VWC2L: variants seen among roughly 807,000 people sequenced by gnomAD.
The protein encoded by VWC2L is von Willebrand factor C domain-containing protein 2-like.
In VWC2L, 10 loss-of-function variants were observed where a neutral mutation model predicts 21.6. That is an observed-to-expected ratio of 0.46 (90% CI 0.29 to 0.78). The LOEUF (loss-of-function observed/expected upper bound fraction) is 0.78, where lower values mean the gene tolerates loss of function less well. Among genes scored for constraint, VWC2L ranks in the 30% least tolerant of loss-of-function variants. VWC2L has a pLI of 0.10. For missense variants in VWC2L, 209 were observed against 277.1 expected (o/e 0.75, Z 1.74); for synonymous variants, 96 against 94.3 (o/e 1.02, Z -0.10).
chr2:214,462,768 C>A (rs1400020253), intron 3 of VWC2L, among the ~76,000 whole-genome samples: 4 of 152,046 alleles, frequency 2.6e-5, no homozygotes, highest in Admixed American at 2.6e-4. Context: ...TTTTCTAATA[C>A]CGTAAGCTTT....
At chr2:214,471,049 T>A (rs1253597945) in intron 3 of VWC2L, among the ~76,000 whole-genome samples, 3 of 151,988 alleles carry the variant, frequency 2.0e-5, no homozygotes, top group African/African-American at 7.3e-5. Flanking sequence ...TTTTTCCCCA[T>A]GAGTTTAAAT....
intron 3 of VWC2L, among the ~76,000 whole-genome samples, chr2:214,467,876 T>G (rs1233575950): frequency 1.3e-5 from 2 of 152,172 alleles, no homozygotes; most frequent in African/African-American, 4.8e-5. Flanking sequence ...CCAGGAGCAG[T>G]GGTGTGCACC....
intron 2 of VWC2L, among the ~76,000 whole-genome samples, chr2:214,422,133 C>G (rs888382592): frequency 2.0e-5 from 3 of 151,868 alleles, no homozygotes; most frequent in Non-Finnish European, 2.9e-5. Flanking sequence ...CGTGATCCGC[C>G]CGTCTCGGCC....
At chr2:214,571,913 A>C (rs1356610419) in intron 3 of VWC2L, among the ~76,000 whole-genome samples, 1 of 152,040 alleles carries the variant, frequency 6.6e-6, no homozygotes, top group Non-Finnish European at 1.5e-5. Flanking sequence ...CAGCCTCCCC[A>C]GTATCTGGGA....
intron 3 of VWC2L, among the ~76,000 whole-genome samples, chr2:214,570,829 A>G (rs1690139320): frequency 6.6e-6 from 1 of 152,036 alleles, no homozygotes; most frequent in South Asian, 2.1e-4. Flanking sequence ...TTAGGCCCCC[A>G]TTTGTGTGGG....
chr2:214,417,794 A>C (rs530248437), intron 2 of VWC2L, among the ~76,000 whole-genome samples: 1 of 152,320 alleles, frequency 6.6e-6, no homozygotes, highest in Admixed American at 6.5e-5. Context: ...GACCTAGTTA[A>C]ACATAAATAA....
intron 3 of VWC2L, among the ~76,000 whole-genome samples, chr2:214,562,050 T>C (rs1027661539): frequency 1.3e-5 from 2 of 152,028 alleles, no homozygotes; most frequent in Non-Finnish European, 2.9e-5. Flanking sequence ...GTTTGTTACA[T>C]AGGTAAACAT....
chr2:214,515,688 G>A (rs1214605227), intron 3 of VWC2L, among the ~76,000 whole-genome samples: 2 of 152,110 alleles, frequency 1.3e-5, no homozygotes, highest in Non-Finnish European at 2.9e-5. Flanking sequence ...CAAGTAGCTG[G>A]GATTGCAGGC....
At chr2:214,518,026 C>T (rs1434812155) in intron 3 of VWC2L, among the ~76,000 whole-genome samples, 2 of 152,120 alleles carry the variant, frequency 1.3e-5, no homozygotes, top group African/African-American at 2.4e-5. Flanking sequence ...ATTAGCCAGG[C>T]GTAGTGGCAG....
At chr2:214,473,264 T>C (rs900650056) in intron 3 of VWC2L, among the ~76,000 whole-genome samples, 11 of 152,206 alleles carry the variant, frequency 7.2e-5, no homozygotes, top group African/African-American at 2.7e-4. Flanking sequence ...GTCAAAAATG[T>C]GTTTGACCTC....
intron 3 of VWC2L, among the ~76,000 whole-genome samples, chr2:214,543,141 C>T (rs1382493973): frequency 6.6e-6 from 1 of 152,192 alleles, no homozygotes; most frequent in Non-Finnish European, 1.5e-5. Flanking sequence ...GAAAAGTTGA[C>T]TTCTAAGTTT....
intron 3 of VWC2L, among the ~76,000 whole-genome samples, chr2:214,497,984 T>G (rs1042838880): frequency 1.3e-5 from 2 of 152,168 alleles, no homozygotes; most frequent in Admixed American, 1.3e-4. Flanking sequence ...GGAGAAATGT[T>G]TTCCTCATCA....
chr2:214,575,525 A>C (rs1323069770), intron 3 of VWC2L, 147 bp from the exon 4 acceptor site: 1 of 778,004 alleles, frequency 1.3e-6, no homozygotes, highest in East Asian at 2.7e-5. Context: ...TTTGAATTTC[A>C]AGGAGATGGC....
intron 3 of VWC2L, among the ~76,000 whole-genome samples, chr2:214,472,584 A>C (rs546309718): frequency 6.6e-6 from 1 of 152,324 alleles, no homozygotes; most frequent in East Asian, 1.9e-4. Flanking sequence ...ACCACCTTTG[A>C]ATACAAGAAA....
intron 3 of VWC2L, among the ~76,000 whole-genome samples, chr2:214,447,932 G>A (rs746474309): frequency 1.3e-5 from 2 of 151,960 alleles, no homozygotes; most frequent in Non-Finnish European, 2.9e-5. Flanking sequence ...TCTTAGGACT[G>A]ATCTCATGAT....
chr2:214,421,165 G>T (rs2126171913), intron 2 of VWC2L, among the ~76,000 whole-genome samples: 1 of 152,232 alleles, frequency 6.6e-6, no homozygotes, highest in African/African-American at 2.4e-5. Flanking sequence ...TACACTAAAA[G>T]TTTTTTGCAC....
intron 3 of VWC2L, among the ~76,000 whole-genome samples, chr2:214,563,583 C>CAAAAAAAAAAAAAAAA (rs1328331072): frequency 7.3e-5 from 7 of 96,004 alleles, no homozygotes; most frequent in African/African-American, 2.6e-4. Context: ...AAAAAAAAAT[C>CAAAAAAAAAAAAAAAA]AAGTGGTTCT....
chr2:214,576,357 C>T lies in VWC2L; in HGVS notation c.*537C>T, dbSNP rs988869021. On this transcript the variant is annotated 3_prime_UTR_variant, in exon 4 of 4. Coordinates refer to ENST00000312504, the MANE Select transcript of VWC2L (RefSeq NM_001080500.4). Reference sequence around the variant, plus strand: ...GCTGGGAAACACAAGAGCATCCAGTCAATTGCTCCCCTAGGGTGAATCATG... The same window carrying T: ...GCTGGGAAACACAAGAGCATCCAGTTAATTGCTCCCCTAGGGTGAATCATG... 3.3e-5 allele frequency: 5 copies of T among 152,122 alleles called. No homozygotes were observed. Among genetic ancestry groups the T allele is most frequent in the African/African-American group, 1.2e-4 (5 of 41,396 alleles). The allele number at this position is 152,122 out of a possible 1,614,324, so 9.4% of individuals were successfully genotyped here.
At chr2:214,544,294 C>A (rs1213580275) in intron 3 of VWC2L, among the ~76,000 whole-genome samples, 8 of 152,144 alleles carry the variant, frequency 5.3e-5, no homozygotes, top group African/African-American at 1.9e-4. Flanking sequence ...GGTGTATCCT[C>A]AGAGCTGCTG....
Sources: gnomAD v4.1 joint callset for allele counts (sites outside exome capture counted in the v4.1 genomes callset) on GRCh38, gnomAD v4.1.1 for gene constraint, MANE v1.5 for transcripts, NCBI Gene and HGNC (gene_info 2026-07-23, HGNC 2026-07-21) for gene names.